The following C8orf34 variants were observed in gnomAD, a reference collection of about 807,000 sequenced individuals.
C8orf34 encodes the protein chromosome 8 open reading frame 34.
C8orf34 carries 65 observed loss-of-function variants against 68.3 expected under a neutral mutation model. That is an observed-to-expected ratio of 0.95 (90% CI 0.78 to 1.17). The LOEUF (loss-of-function observed/expected upper bound fraction) is 1.17, where lower values mean the gene tolerates loss of function less well. Among genes scored for constraint, C8orf34 ranks in the 50% most tolerant of loss-of-function variants. The pLI, the probability that C8orf34 is intolerant of heterozygous loss-of-function variation, is 0.00. For synonymous variants in C8orf34, 244 were observed against 241.2 expected (o/e 1.01, Z -0.11); for missense variants, 664 against 655.4 (o/e 1.01, Z -0.14).
chr8:68,487,981 T>C (rs1299141014), intron 4 of C8orf34, 42 bp from the exon 5 acceptor site: 1 of 1,391,404 alleles, frequency 7.2e-7, no homozygotes, highest in East Asian at 2.3e-5. Flanking sequence ...TACTAAAGAT[T>C]GCTTCTAAAA....
intron 7 of C8orf34, among the ~76,000 whole-genome samples, chr8:68,632,020 A>G (rs992820582): frequency 2.6e-5 from 4 of 152,214 alleles, no homozygotes; most frequent in Non-Finnish European, 5.9e-5. Flanking sequence ...TGTGGAAGCA[A>G]TTTTGGAACT....
chr8:68,356,319 G>A (rs1401736911), intron 1 of C8orf34, among the ~76,000 whole-genome samples: 1 of 151,880 alleles, frequency 6.6e-6, no homozygotes, highest in Non-Finnish European at 1.5e-5. Context: ...GCATGGTATT[G>A]GAGACTTCAT....
intron 6 of C8orf34, among the ~76,000 whole-genome samples, chr8:68,522,959 T>C (rs1438291577): frequency 1.3e-5 from 2 of 152,330 alleles, no homozygotes; most frequent in East Asian, 3.9e-4. Context: ...GAGAAAATTG[T>C]ATTTTCTACA....
At chr8:68,533,510 A>G (rs964637670) in intron 7 of C8orf34, 1 of 991,090 alleles carries the variant, frequency 1.0e-6, no homozygotes, top group Admixed American at 6.1e-5. Context: ...ATATACCCAA[A>G]GTACATATTT....
chr8:68,590,178 A>G (rs75613304), intron 7 of C8orf34, among the ~76,000 whole-genome samples: 4,988 of 137,352 alleles, frequency 0.036, 286 homozygotes, highest in African/African-American at 0.12. Context: ...GAGGAAAGAC[A>G]GGAAGAAAGG....
At chr8:68,724,739 A>G (rs1821777616) in intron 10 of C8orf34, among the ~76,000 whole-genome samples, 1 of 152,208 alleles carries the variant, frequency 6.6e-6, no homozygotes, top group Non-Finnish European at 1.5e-5. Context: ...AAAAGAAAAT[A>G]CCAAATAGGC....
chr8:68,639,657 C>T (rs1016123264), intron 7 of C8orf34, among the ~76,000 whole-genome samples: 3 of 152,134 alleles, frequency 2.0e-5, no homozygotes, highest in Non-Finnish European at 4.4e-5. Context: ...TTACAAGCTT[C>T]CTTGTTCTCT....
At chr8:68,437,601 T>G (rs1810717257) in intron 1 of C8orf34, among the ~76,000 whole-genome samples, 1 of 152,204 alleles carries the variant, frequency 6.6e-6, no homozygotes, top group African/African-American at 2.4e-5. Flanking sequence ...TCTACATTAC[T>G]TTACAATTAC....
chr8:68,488,030 A>G lies in C8orf34; in HGVS notation c.744A>G (p.Ala248=). 2 of 1,593,006 alleles carry G rather than the reference A, an allele frequency of 1.3e-6. No individual in the cohort carries two copies. The highest frequency in any genetic ancestry group is 2.3e-5 in the East Asian group (1 of 43,996). Residue 248 remains alanine (A), a synonymous_variant, in exon 5 of 14, where the codon GCA becomes GCG. Transcript: ENST00000518698. ...KALENLSRSI[A]ISDELDKETV... ...ATCTCTTTTAAATCCCAGGTATTGCAATTTCAGATGAACTCGATAAGGTAA... is the reference window on the plus strand; with the variant it reads ...ATCTCTTTTAAATCCCAGGTATTGCGATTTCAGATGAACTCGATAAGGTAA...
chr8:68,358,732 G>T (rs1021432169), intron 1 of C8orf34, among the ~76,000 whole-genome samples: 7 of 150,800 alleles, frequency 4.6e-5, no homozygotes, highest in African/African-American at 1.7e-4. Flanking sequence ...TTGAGACAGA[G>T]TCTCGCTCTG....
At chr8:68,746,220 G>A (rs190710704) in intron 10 of C8orf34, among the ~76,000 whole-genome samples, 5,335 of 151,538 alleles carry the variant, frequency 0.035, 132 homozygotes, top group Non-Finnish European at 0.051. Context: ...AGAATCTCTC[G>A]GACACATTCA....
intron 5 of C8orf34, among the ~76,000 whole-genome samples, chr8:68,511,267 G>A (rs1201290256): frequency 6.6e-6 from 1 of 152,178 alleles, no homozygotes; most frequent in Non-Finnish European, 1.5e-5. Flanking sequence ...GCAATGGTGA[G>A]AGCACACCTG....
At chr8:68,663,623 G>A (rs1385210565) in intron 8 of C8orf34, among the ~76,000 whole-genome samples, 1 of 152,168 alleles carries the variant, frequency 6.6e-6, no homozygotes, top group Non-Finnish European at 1.5e-5. Context: ...GGAGCCAGAG[G>A]ACCCCTGCTA....
chr8:68,491,049 A>G lies in C8orf34; in HGVS notation c.765+2998A>G, dbSNP rs117165533. ...CTTAACAATTTTGGGGATTCACTAA[A>G]TATATGTTTTTCCCAACCTTTATAA... On this transcript the variant is annotated intron_variant, in intron 5 of 13. Coordinates refer to ENST00000518698, the MANE Select transcript of C8orf34 (RefSeq NM_052958.4). Among the ~76,000 whole-genome samples, 1,148 of 152,300 alleles carry G rather than the reference A, an allele frequency of 7.5e-3. 33 individuals carry two copies. Among genetic ancestry groups the G allele is most frequent in the Admixed American group, 0.058 (892 of 15,292 alleles).
chr8:68,672,658 G>A (rs1056779393), intron 8 of C8orf34, among the ~76,000 whole-genome samples: 1 of 152,148 alleles, frequency 6.6e-6, no homozygotes, highest in Non-Finnish European at 1.5e-5. Flanking sequence ...TAAATTTCTC[G>A]AGGGTCATAA....
intron 7 of C8orf34, among the ~76,000 whole-genome samples, chr8:68,549,932 A>G (rs569183095): frequency 4.2e-4 from 63 of 151,768 alleles, no homozygotes; most frequent in African/African-American, 1.4e-3. Flanking sequence ...TCTCTTGATT[A>G]GTGTTAGCAT....
At chr8:68,711,979 G>A (rs1821341542) in intron 9 of C8orf34, among the ~76,000 whole-genome samples, 1 of 152,172 alleles carries the variant, frequency 6.6e-6, no homozygotes, top group African/African-American at 2.4e-5. Flanking sequence ...CAGATTAATA[G>A]CAGATTTCTC....
At chr8:68,340,867 T>C (rs1203755259) in intron 1 of C8orf34, among the ~76,000 whole-genome samples, 1 of 152,176 alleles carries the variant, frequency 6.6e-6, no homozygotes, top group Admixed American at 6.5e-5. Flanking sequence ...CAGATAAAAT[T>C]CATTACATTA....
At chr8:68,439,451 T>C (rs751718139) in intron 1 of C8orf34, 48 bp from the exon 2 acceptor site, 17 of 1,581,512 alleles carry the variant, frequency 1.1e-5, no homozygotes, top group Non-Finnish European at 1.5e-5. Flanking sequence ...TTGCTATTAC[T>C]GTTGCTGTTA....
Sources: allele counts gnomAD v4.1 joint callset (sites outside exome capture counted in the v4.1 genomes callset), GRCh38; gene constraint gnomAD v4.1.1; transcripts MANE v1.5; gene names NCBI Gene and HGNC (gene_info 2026-07-23, HGNC 2026-07-21).